SARAF: variants seen among roughly 807,000 people sequenced by gnomAD.
SARAF encodes the protein store-operated calcium entry-associated regulatory factor.
SARAF carries 23 observed loss-of-function variants against 39.7 expected under a neutral mutation model. That is an observed-to-expected ratio of 0.58 (90% CI 0.42 to 0.82). SARAF has a LOEUF of 0.82. Ranked by LOEUF, SARAF falls within the 40% of genes least tolerant of loss-of-function variation. The pLI is 0.00. For missense variants in SARAF, 384 were observed against 418.5 expected, an observed-to-expected ratio of 0.92 and a Z score of 0.72; for synonymous variants, 175 against 168.5, an observed-to-expected ratio of 1.04 and a Z score of -0.30.
chr8:30,069,875 G>A lies in SARAF; in HGVS notation c.467C>T (p.Ala156Val), dbSNP rs1234208018. The change falls in exon 3 of 6, where the codon GCC (alanine) becomes GTC (valine). Residue 156 changes from alanine to valine, a missense_variant. By Grantham distance (64) the Ala-to-Val change is moderately conservative (BLOSUM62 0). Coordinates refer to ENST00000256255, the MANE Select transcript of SARAF (RefSeq NM_016127.6). ...CTTATAATAATAATCAGAGAAAGAG[G>A]CAAAGCCGTGCTGCTTTCCAGACTC... ...LKESGKQHGF[A>V]SFSDYYYKWS... 1.9e-6 allele frequency: 3 copies of A among 1,614,092 alleles called. No individual in the cohort carries two copies. The highest frequency in any genetic ancestry group is 1.1e-5 in the South Asian group (1 of 91,076).
At position 30,066,218 on chromosome 8, in the gene SARAF, CA is replaced by C; in HGVS notation, c.843-80del. ...AAATACCTTCCTGTTCCTAAACTGT[CA>C]GAAAAAAATATCTTTATCAAGTATT... On this transcript the variant is annotated intron_variant, in intron 4 of 5. Coordinates refer to ENST00000256255, the MANE Select transcript of SARAF (RefSeq NM_016127.6). 5.1e-6 allele frequency: 7 copies of C among 1,384,326 alleles called. No individual in the cohort carries two copies. In the South Asian group the frequency reaches 5.3e-5, roughly 11 times the overall value. 85.8% of individuals were successfully genotyped at this position (1,384,326 alleles called of 1,614,324 possible). A position where few individuals can be genotyped will look rare whatever the true frequency, so the allele number is the denominator to read the frequency against.
chr8:30,066,049 A>G lies in SARAF; in HGVS notation c.933T>C (p.His311=), dbSNP rs769578148. 2 of 1,614,132 alleles carry G rather than the reference A, an allele frequency of 1.2e-6. No homozygotes were observed. Among genetic ancestry groups the G allele is most frequent in the African/African-American group, 1.3e-5 (1 of 75,036 alleles). ...ATACCGAATAGCTGCCCGAGCCTCC[A>G]TGAAGGGGTGAGTAAGCCCTATTCC... ...GTWNRAYSPL[H]GGSGSYSVCS... Residue 311 remains histidine, a synonymous_variant, in exon 5 of 6, where the codon CAT becomes CAC. Transcript: ENST00000256255.
At chr8:30,073,854 G>T in intron 2 of SARAF, 23 bp downstream of exon 2, 1 of 1,595,860 alleles carries the variant, frequency 6.3e-7, no homozygotes, top group Admixed American at 1.7e-5. Flanking sequence ...CATTTAGACT[G>T]CCATTACTGT....
intron 5 of SARAF, among the ~76,000 whole-genome samples, chr8:30,065,134 C>T (rs1358575519): frequency 1.3e-5 from 2 of 152,142 alleles, no homozygotes; most frequent in Non-Finnish European, 2.9e-5. Flanking sequence ...TTTATTCATC[C>T]ATTTTACTGC....
At position 30,063,268 on chromosome 8, in the gene SARAF, GCA is replaced by G. The variant is rs1801599378; in HGVS notation, c.*618_*619del. 6.6e-6 allele frequency: 1 copy of G among 152,266 alleles called. No individual in the cohort carries two copies. Among genetic ancestry groups the G allele is most frequent in the South Asian group, 2.1e-4 (1 of 4,836 alleles). The allele number at this position is 152,266 out of a possible 1,614,324, so 9.4% of individuals were successfully genotyped here. A position where few individuals can be genotyped will look rare whatever the true frequency, so the allele number is the denominator to read the frequency against. On this transcript the variant is annotated 3_prime_UTR_variant, in exon 6 of 6. Coordinates refer to ENST00000256255, the MANE Select transcript of SARAF (RefSeq NM_016127.6). ...ATAGAGGTTTCAAGCATTTTTGCCA[GCA>G]CAGAGTCATTCACAACAACCTTCTA...
intron 3 of SARAF, among the ~76,000 whole-genome samples, chr8:30,069,134 ATTTTTTTTTT>A (rs36096551): frequency 1.0e-5 from 1 of 97,830 alleles, no homozygotes; most frequent in Admixed American, 1.4e-4. Flanking sequence ...TTAATCAGGC[ATTTTTTTTTT>A]TTTTTTTTTT....
At chr8:30,082,658 C>A in intron 1 of SARAF, 189 bp downstream of exon 1, 1 of 506,364 alleles carries the variant, frequency 2.0e-6, no homozygotes, top group Non-Finnish European at 3.5e-6. Flanking sequence ...GCAGTCCCTA[C>A]CCGCCTCCCA....
At chr8:30,071,265 T>C (rs1405407661) in intron 2 of SARAF, among the ~76,000 whole-genome samples, 1 of 152,144 alleles carries the variant, frequency 6.6e-6, no homozygotes, top group Admixed American at 6.6e-5. Context: ...GAGAACGACT[T>C]GAACCCAGAG....
chr8:30,079,233 AAAAG>A (rs148017779), intron 1 of SARAF, among the ~76,000 whole-genome samples: 9,233 of 151,876 alleles, frequency 0.061, 348 homozygotes, highest in African/African-American at 0.11. Flanking sequence ...ATTGTGAAAC[AAAAG>A]AAAGATCAGA....
intron 5 of SARAF, 87 bp from the exon 6 acceptor site, chr8:30,064,000 C>G: frequency 2.5e-6 from 3 of 1,210,818 alleles, no homozygotes; most frequent in Non-Finnish European, 3.6e-6. Flanking sequence ...TGTTTATTGT[C>G]AGCAAATGAA....
In SARAF at chr8:30,082,847, C is replaced by A; in HGVS notation, c.103G>T (p.Asp35Tyr). ...GCCTGAGGGCCCTGGCAGCACTCAC[C>A]AGGGTCGTTCCAGCCCAGGGCAGGG... ...AGPALGWNDP[D>Y]RMLLRDVKAL... Residue 35 changes from aspartate (D) to tyrosine (Y), a missense_variant and splice_region_variant, in exon 1 of 6, where the codon GAC (aspartate) becomes TAC (tyrosine). Physicochemically the swap from Asp to Tyr is radical, Grantham distance 160. Coordinates refer to ENST00000256255, the MANE Select transcript of SARAF (RefSeq NM_016127.6). 1.3e-6 allele frequency: 2 copies of A among 1,543,166 alleles called. No individual in the cohort carries two copies. Among genetic ancestry groups the A allele is most frequent in the Non-Finnish European group, 8.7e-7 (1 of 1,145,854 alleles).
rs527866204 is a variant in SARAF at position 30,078,650 on chromosome 8, A to G, written c.103+4197T>C. ...CAACATCTCCTATGATGTATTTCCC[A>G]CAAGTATTTAATATGAATCTAATCA... On this transcript the variant is annotated intron_variant, in intron 1 of 5. Transcript: ENST00000256255. Among the ~76,000 whole-genome samples, 5 of 152,348 alleles carry G rather than the reference A, an allele frequency of 3.3e-5. No individual in the cohort carries two copies. The East Asian group carries it at 9.6e-4, about 29-fold the overall frequency.
chr8:30,067,922 A>T (rs7012000), intron 3 of SARAF, among the ~76,000 whole-genome samples: 149,064 of 152,294 alleles, frequency 0.98, 73,034 homozygotes, highest in Middle Eastern at 1. Context: ...TTTACCATTT[A>T]AACTCCTACC....
At chr8:30,068,366 C>A (rs1464945502) in intron 3 of SARAF, among the ~76,000 whole-genome samples, 1 of 152,128 alleles carries the variant, frequency 6.6e-6, no homozygotes, top group Non-Finnish European at 1.5e-5. Flanking sequence ...GAATCTAATG[C>A]CTGATGATCT....
chr8:30,069,934 T>TAA lies in SARAF; in HGVS notation c.406_407dup (p.Leu136PhefsTer2). The TAA allele has an allele frequency of 6.2e-7, 1 of 1,613,892 alleles. No individual in the cohort carries two copies. Among genetic ancestry groups the TAA allele is most frequent in the Non-Finnish European group, 8.5e-7 (1 of 1,180,030 alleles). ...TCTGCAGGCCAAGTTCTGTATAATC[T>TAA]AAATTATACTCCAAGCCACAAGAAC... On this transcript the variant is annotated frameshift_variant, in exon 3 of 6. Coordinates refer to ENST00000256255, the MANE Select transcript of SARAF (RefSeq NM_016127.6). LOFTEE classifies it high-confidence loss of function.
chr8:30,068,156 G>A lies in SARAF; in HGVS notation c.701-1238C>T, dbSNP rs150312827. 5.3e-3 allele frequency among the ~76,000 whole-genome samples: 809 copies of A among 152,212 alleles called. 5 individuals carry two copies. Among genetic ancestry groups the A allele is most frequent in the African/African-American group, 0.018 (764 of 41,530 alleles). On this transcript the variant is annotated intron_variant, in intron 3 of 5. Transcript: ENST00000256255. ...CCAGTACTGCTCCACGGCCTGTTAG[G>A]AACTGAGCCACACAGCAGGAGGTGA...
intron 5 of SARAF, 112 bp from the exon 6 acceptor site, chr8:30,064,025 A>T (rs1328653956): frequency 6.1e-6 from 6 of 976,116 alleles, no homozygotes; most frequent in Non-Finnish European, 9.3e-6. Context: ...ATAGGAGGAA[A>T]GGAAAGAGTG....
chr8:30,066,037 G>A lies in SARAF; in HGVS notation c.945C>T (p.Gly315=), dbSNP rs779872413. 1.9e-6 allele frequency: 3 copies of A among 1,613,976 alleles called. No homozygotes were observed. The highest frequency in any genetic ancestry group is 2.5e-6 in the Non-Finnish European group (3 of 1,180,020). Residue 315 remains glycine (G), a synonymous_variant, in exon 5 of 6, where the codon GGC becomes GGT. Coordinates refer to ENST00000256255, the MANE Select transcript of SARAF (RefSeq NM_016127.6). ...CTGAGTTTGAACATACCGAATAGCT[G>A]CCCGAGCCTCCATGAAGGGGTGAGT... ...RAYSPLHGGS[G]SYSVCSNSDT... is the part of the protein sequence containing the mutation.
chr8:30,073,774 G>T, intron 2 of SARAF, 103 bp downstream of exon 2: 1 of 981,014 alleles, frequency 1.0e-6, no homozygotes, highest in Non-Finnish European at 1.5e-6. Flanking sequence ...AGGCTGATCT[G>T]AGATTTCCGT....
Sources: allele counts gnomAD v4.1 joint callset (sites outside exome capture counted in the v4.1 genomes callset), GRCh38; gene constraint gnomAD v4.1.1; transcripts MANE v1.5; gene names NCBI Gene and HGNC (gene_info 2026-07-23, HGNC 2026-07-21).